RNF220: variants seen among roughly 807,000 people sequenced by gnomAD.
RNF220 encodes the protein E3 ubiquitin-protein ligase RNF220.
Under a neutral mutation model 67.1 loss-of-function variants are expected in RNF220, and 7 were observed. The observed-to-expected ratio is 0.10, with a 90% CI of 0.06 to 0.20. RNF220 has a LOEUF of 0.20. Ranked by LOEUF, RNF220 falls within the 10% of genes least tolerant of loss-of-function variation. The pLI is 1.00. For synonymous variants in RNF220, 270 were observed against 283.2 expected (o/e 0.95, Z 0.47); for missense variants, 565 against 740.3 (o/e 0.76, Z 2.75).
chr1:44,592,150 A>G (rs1460408882), intron 2 of RNF220, among the ~76,000 whole-genome samples: 1 of 152,228 alleles, frequency 6.6e-6, no homozygotes, highest in Non-Finnish European at 1.5e-5. Context: ...ACAGAGAGAG[A>G]GAGGGCGAGG....
intron 2 of RNF220, among the ~76,000 whole-genome samples, chr1:44,506,558 A>T (rs912031822): frequency 6.6e-6 from 1 of 152,212 alleles, no homozygotes; most frequent in East Asian, 1.9e-4. Flanking sequence ...GGGGTCATCT[A>T]TCAGCCTCCA....
rs1331391925 is a variant in RNF220 at position 44,645,383 on chromosome 1, G to T, written c.1367-27G>T. On this transcript the variant is annotated intron_variant, in intron 11 of 14. Transcript: ENST00000361799. The surrounding 1 kb of genome is among the most constrained non-coding windows in gnomAD (Gnocchi z 5.0). ...ACCTGTGCTGCCCAGTCTGGCCGGAGTGTGAGTTGCCCCTCTGTCCCAGCA... is the reference window on the plus strand; with the variant it reads ...ACCTGTGCTGCCCAGTCTGGCCGGATTGTGAGTTGCCCCTCTGTCCCAGCA... The T allele has an allele frequency of 6.2e-7, 1 of 1,614,068 alleles. No homozygotes were observed. The highest frequency in any genetic ancestry group is 2.2e-5 in the East Asian group (1 of 44,866).
intron 2 of RNF220, among the ~76,000 whole-genome samples, chr1:44,592,532 CTCCCAGGTTGGCAGCCCCCG>C (rs1259928999): frequency 6.6e-6 from 1 of 152,194 alleles, no homozygotes; most frequent in African/African-American, 2.4e-5. Context: ...AGCCTGTGGG[CTCCCAGGTTGGCAGCCCCCG>C]CCCTCTGCAC....
intron 2 of RNF220, among the ~76,000 whole-genome samples, chr1:44,514,416 G>A (rs1190315858): frequency 6.6e-6 from 1 of 152,210 alleles, no homozygotes; most frequent in Non-Finnish European, 1.5e-5. Flanking sequence ...TGTAGCCTGA[G>A]AGGAAGACTT....
Position 44,407,672 on chromosome 1 carries a change from C to T in RNF220, c.-118+2142C>T, listed in dbSNP as rs374270516. 3.4e-4 allele frequency among the ~76,000 whole-genome samples: 51 copies of T among 152,140 alleles called. 1 individual carries two copies. In the South Asian group the frequency reaches 9.9e-3, roughly 30 times the overall value. On this transcript the variant is annotated intron_variant, in intron 1 of 14. Coordinates refer to ENST00000361799, the MANE Select transcript of RNF220 (RefSeq NM_018150.4). ...AGCCGCGCGGTGTGCGGCGGCCGGA[C>T]GGCCGCGGTGCGGGCCGCAGAACCC... is the stretch of plus-strand genomic sequence containing the variant.
intron 2 of RNF220, among the ~76,000 whole-genome samples, chr1:44,422,248 G>T (rs1251976530): frequency 6.6e-6 from 1 of 152,198 alleles, no homozygotes; most frequent in African/African-American, 2.4e-5. Flanking sequence ...CGCTGGAGTG[G>T]TAAGGGCAGT....
intron 2 of RNF220, among the ~76,000 whole-genome samples, chr1:44,611,060 A>G (rs935243369): frequency 1.3e-5 from 2 of 152,026 alleles, no homozygotes; most frequent in Non-Finnish European, 2.9e-5. Flanking sequence ...GTGCAGTAAA[A>G]CCCACGTCAT....
intron 2 of RNF220, among the ~76,000 whole-genome samples, chr1:44,437,807 C>T (rs1488986813): frequency 1.3e-5 from 2 of 152,190 alleles, no homozygotes; most frequent in Non-Finnish European, 2.9e-5. Context: ...CCTCTCAAAA[C>T]CACAGATGAG....
chr1:44,505,618 C>T (rs115697812), intron 2 of RNF220, among the ~76,000 whole-genome samples: 96 of 152,302 alleles, frequency 6.3e-4, no homozygotes, highest in African/African-American at 1.9e-3. Context: ...TTATTAGGAA[C>T]GGGTTAAGGT....
At chr1:44,464,752 C>G (rs1557951133) in intron 2 of RNF220, among the ~76,000 whole-genome samples, 1 of 152,244 alleles carries the variant, frequency 6.6e-6, no homozygotes. Context: ...CTGACTGCCT[C>G]ATTCCATCTA....
intron 2 of RNF220, among the ~76,000 whole-genome samples, chr1:44,599,276 C>T (rs1666754388): frequency 6.6e-6 from 1 of 152,144 alleles, no homozygotes; most frequent in Non-Finnish European, 1.5e-5. Context: ...ATGATGTATG[C>T]AATAATCGAC....
chr1:44,434,165 G>T (rs1174532623), intron 2 of RNF220, among the ~76,000 whole-genome samples: 1 of 152,004 alleles, frequency 6.6e-6, no homozygotes, highest in Non-Finnish European at 1.5e-5. Flanking sequence ...ATTGAAATAT[G>T]AAATGATGAG....
chr1:44,432,222 T>C (rs1248504326), intron 2 of RNF220, among the ~76,000 whole-genome samples: 1 of 152,198 alleles, frequency 6.6e-6, no homozygotes, highest in Non-Finnish European at 1.5e-5. Flanking sequence ...TGCTACTCTG[T>C]AGAGGCATTT....
At chr1:44,449,677 G>T (rs1031836771) in intron 2 of RNF220, among the ~76,000 whole-genome samples, 6 of 152,168 alleles carry the variant, frequency 3.9e-5, no homozygotes, top group Non-Finnish European at 7.3e-5. Flanking sequence ...GCCTCCCAAA[G>T]GGCTGGGATT....
At chr1:44,633,136 G>A (rs1037709205) in intron 6 of RNF220, among the ~76,000 whole-genome samples, 3 of 152,234 alleles carry the variant, frequency 2.0e-5, no homozygotes, top group East Asian at 3.8e-4. Flanking sequence ...AAGATCCCCA[G>A]CTCTTATCAC....
intron 3 of RNF220, among the ~76,000 whole-genome samples, chr1:44,614,565 G>T (rs1461086967): frequency 4.6e-5 from 7 of 152,230 alleles, no homozygotes; most frequent in African/African-American, 1.7e-4. Flanking sequence ...CTAGACAGGG[G>T]TGAGCCACTG....
rs1049350784 is a variant in RNF220 at position 44,624,808 on chromosome 1, A to G, written c.805-1489A>G. Among the ~76,000 whole-genome samples the G allele has an allele frequency of 6.6e-6, 1 of 152,244 alleles. No homozygotes were observed. The highest frequency in any genetic ancestry group is 1.5e-5 in the Non-Finnish European group (1 of 68,046). ...AAGAAGCCGTGAATTATTTTCTTAA[A>G]GATCTTATCGCTTACAATGATAATT... is the stretch of plus-strand genomic sequence containing the variant. On this transcript the variant is annotated intron_variant, in intron 4 of 14. Transcript: ENST00000361799. The surrounding 1 kb of genome is among the most constrained non-coding windows in gnomAD (Gnocchi z 4.2).
intron 2 of RNF220, among the ~76,000 whole-genome samples, chr1:44,529,702 A>T (rs1660683926): frequency 1.3e-5 from 2 of 152,178 alleles, no homozygotes; most frequent in Admixed American, 1.3e-4. Flanking sequence ...TTTAAAAAGG[A>T]GATTTATTTG....
intron 2 of RNF220, among the ~76,000 whole-genome samples, chr1:44,545,245 C>T (rs1159388208): frequency 1.3e-5 from 2 of 152,148 alleles, no homozygotes; most frequent in Non-Finnish European, 2.9e-5. Context: ...GCTGACGGGA[C>T]ATCTGGTACC....
Sources: allele counts gnomAD v4.1 joint callset (sites outside exome capture counted in the v4.1 genomes callset), GRCh38; gene constraint gnomAD v4.1.1; non-coding constraint Gnocchi (gnomAD v3.1); transcripts MANE v1.5; gene names NCBI Gene and HGNC (gene_info 2026-07-23, HGNC 2026-07-21).